Variants in BAIAP3 observed in about 807,000 individuals in gnomAD.
BAIAP3 encodes BAI1 associated protein 3.
A neutral mutation model predicts 149.7 loss-of-function variants in BAIAP3; 180 were observed. The ratio of observed to expected loss-of-function variants is 1.20; its 90% confidence interval spans 1.07 to 1.36. The LOEUF is 1.36. Ranked by LOEUF, BAIAP3 falls within the 40% of genes most tolerant of loss-of-function variation. The pLI is 0.00. For missense variants in BAIAP3, 1,767 were observed against 1,563.4 expected (o/e 1.13, Z -2.20); for synonymous variants, 845 against 670.7 (o/e 1.26, Z -4.02).
chr16:1,338,824 T>A, intron 2 of BAIAP3, 78 bp from the exon 3 acceptor site: 2 of 1,594,930 alleles, frequency 1.3e-6, no homozygotes, highest in Non-Finnish European at 1.7e-6. Context: ...CACATGGCCC[T>A]TCCTGCCCCT....
rs1300883583 is a variant in BAIAP3, at chr16:1,340,909, C to T, written c.409-13C>T. The T allele has an allele frequency of 6.4e-7, 1 of 1,563,098 alleles. No homozygotes were observed. The highest frequency in any genetic ancestry group is 1.4e-5 in the African/African-American group (1 of 73,844). On this transcript the variant is annotated splice_polypyrimidine_tract_variant and intron_variant, in intron 5 of 33. Coordinates refer to ENST00000426824, the MANE Select transcript of BAIAP3 (RefSeq NM_001199097.2). ...GGTTGCCTAGGCCCTGCCAACCCAG[C>T]CACCCTCCACAGGTGTTTGGCACCA...
At chr16:1,340,001 ACACG>A (rs2033778749) in intron 5 of BAIAP3, among the ~76,000 whole-genome samples, 1 of 142,476 alleles carries the variant, frequency 7.0e-6, no homozygotes, top group Non-Finnish European at 1.5e-5. Context: ...ATACAGATGC[ACACG>A]CACACAGGCT....
chr16:1,342,492 G>A (rs1381760307), intron 11 of BAIAP3, 35 bp from the exon 12 acceptor site: 2 of 1,524,042 alleles, frequency 1.3e-6, no homozygotes, highest in Non-Finnish European at 1.8e-6. Flanking sequence ...GGAGGGGGAG[G>A]AGTCTGGTGG....
chr16:1,348,291 C>G lies in BAIAP3; in HGVS notation c.3345C>G (p.Pro1115=). 1.2e-6 allele frequency: 2 copies of G among 1,600,498 alleles called. No homozygotes were observed. Among genetic ancestry groups the G allele is most frequent in the Non-Finnish European group, 1.7e-6 (2 of 1,174,130 alleles). ...CTGTCACCCTGCACCTGTGCCGGCC[C>G]AGAGCCCAGGGTGAGTGAGCATCTG... ...GQPVTLHLCR[P]RAQVRSALRR... Residue 1115 remains proline (P), a synonymous_variant, in exon 33 of 34, where the codon CCC becomes CCG. Coordinates refer to ENST00000426824, the MANE Select transcript of BAIAP3 (RefSeq NM_001199097.2).
rs1418872827 is a variant in BAIAP3, at chr16:1,344,451, T to C, written c.1603-18T>C. 4 of 1,612,626 alleles carry C rather than the reference T, an allele frequency of 2.5e-6. No homozygotes were observed. Among genetic ancestry groups the C allele is most frequent in the Admixed American group, 1.7e-5 (1 of 59,960 alleles). Reference sequence around the variant, plus strand: ...TTCCCTGCAATCCACCATGCTGTCTTGGTGGTGTCTGTTGCAGAGAGGCAA... The same window carrying C: ...TTCCCTGCAATCCACCATGCTGTCTCGGTGGTGTCTGTTGCAGAGAGGCAA... On this transcript the variant is annotated intron_variant, in intron 17 of 33. Coordinates refer to ENST00000426824, the MANE Select transcript of BAIAP3 (RefSeq NM_001199097.2).
In BAIAP3 at chr16:1,348,718, A is replaced by G. The variant is rs1231280697; in HGVS notation, c.*236A>G. 3.9e-5 allele frequency: 23 copies of G among 587,348 alleles called. No individual in the cohort carries two copies. In the East Asian group the frequency reaches 6.3e-4, roughly 16 times the overall value. The allele number at this position is 587,348 out of a possible 1,614,324, so 36.4% of individuals were successfully genotyped here. On this transcript the variant is annotated 3_prime_UTR_variant, in exon 34 of 34. Transcript: ENST00000426824. ...GTGGCCAACTTGGCAGGACTTGGCC[A>G]GCAGCTGCCCAGGACACAGTGCAGG...
intron 1 of BAIAP3, chr16:1,334,531 G>A (rs1043738109): frequency 1.3e-6 from 1 of 757,266 alleles, no homozygotes; most frequent in Non-Finnish European, 2.2e-6. Context: ...GGAAGAAGGC[G>A]CCTCGGGCTC....
rs1459651738 is a variant in BAIAP3 at position 1,339,227 on chromosome 16, G to A, written c.283G>A (p.Ala95Thr). 2 of 1,564,930 alleles carry A rather than the reference G, an allele frequency of 1.3e-6. No individual in the cohort carries two copies. Among genetic ancestry groups the A allele is most frequent in the Non-Finnish European group, 8.6e-7 (1 of 1,156,912 alleles). ...EPVDPSLGLRALAPEEVEMLY... is the reference protein window; with the variant it reads ...EPVDPSLGLRTLAPEEVEMLY... ...TGTGGATCCCAGCCTCGGCCTGAGA[G>A]CCCTGGCCCCAGAGGAGGTAAAGGT... Residue 95 changes from alanine (A) to threonine (T), a missense_variant, in exon 4 of 34, where the codon GCC (alanine) becomes ACC (threonine). Physicochemically the swap from Ala to Thr is moderately conservative, Grantham distance 58. Transcript: ENST00000426824.
Position 1,346,793 on chromosome 16 carries a change from TGGGGCCAGCGGGGCA to T in BAIAP3, c.2643-51_2643-37del. 11 of 374,312 alleles carry T rather than the reference TGGGGCCAGCGGGGCA, an allele frequency of 2.9e-5. 1 individual carries two copies. In the South Asian group the frequency reaches 4.7e-4, roughly 16 times the overall value. The allele number at this position is 374,312 out of a possible 1,614,324, so 23.2% of individuals were successfully genotyped here. A position where few individuals can be genotyped will look rare whatever the true frequency, so the allele number is the denominator to read the frequency against. ...CTACTCCTCCAGGCCATTCTGCAGG[TGGGGCCAGCGGGGCA>T]GGTGGGGCTGGCCCGTGGTCACTGA... is the stretch of plus-strand genomic sequence containing the variant. On this transcript the variant is annotated intron_variant, in intron 27 of 33. Coordinates refer to ENST00000426824, the MANE Select transcript of BAIAP3 (RefSeq NM_001199097.2).
At chr16:1,337,604 G>A (rs1055591186) in intron 1 of BAIAP3, among the ~76,000 whole-genome samples, 12 of 152,162 alleles carry the variant, frequency 7.9e-5, no homozygotes, top group Admixed American at 3.9e-4. Flanking sequence ...GGGGGCTTCC[G>A]GGTCTGCCTG....
chr16:1,344,898 G>A (rs573216955), intron 20 of BAIAP3, 49 bp downstream of exon 20: 1 of 1,613,696 alleles, frequency 6.2e-7, no homozygotes, highest in South Asian at 1.1e-5. Context: ...GGGGAAGTGG[G>A]CAGATGCCCT....
At position 1,343,417 on chromosome 16, in the gene BAIAP3, CCAT is replaced by C. The variant is rs2034075495; in HGVS notation, c.1293_1295del (p.His431del). On this transcript the variant is annotated inframe_deletion, in exon 15 of 34. Coordinates refer to ENST00000426824, the MANE Select transcript of BAIAP3 (RefSeq NM_001199097.2). ...GGCACTGGCAGGTCAGCAGCCGCCA[CCAT>C]CAAACCTGCACGCTGGACTACAGCT... The C allele has an allele frequency of 6.4e-7, 1 of 1,572,658 alleles. No individual in the cohort carries two copies. Among genetic ancestry groups the C allele is most frequent in the African/African-American group, 1.4e-5 (1 of 73,934 alleles).
In BAIAP3 at chr16:1,345,732, C is replaced by A. The variant is rs1346274963; in HGVS notation, c.2065-15C>A. On this transcript the variant is annotated splice_polypyrimidine_tract_variant and intron_variant, in intron 22 of 33. Coordinates refer to ENST00000426824, the MANE Select transcript of BAIAP3 (RefSeq NM_001199097.2). ...CCTGCCTCCCCAGCAAACCCAGCCT[C>A]CCCTGCCTCCCTAGCTGGAGCCCGT... 1 of 1,517,376 alleles carries A rather than the reference C, an allele frequency of 6.6e-7. No homozygotes were observed. The highest frequency in any genetic ancestry group is 2.0e-5 in the Admixed American group (1 of 49,906). The allele number at this position is 1,517,376 out of a possible 1,614,324, so 94.0% of individuals were successfully genotyped here. A position where few individuals can be genotyped will look rare whatever the true frequency, so the allele number is the denominator to read the frequency against.
intron 1 of BAIAP3, chr16:1,336,158 G>A (rs2033439853): frequency 1.0e-6 from 1 of 964,764 alleles, no homozygotes; most frequent in Non-Finnish European, 1.2e-6. Context: ...CACATGCCGC[G>A]GCGGTTGCCC....
chr16:1,342,495 T>C lies in BAIAP3; in HGVS notation c.958-32T>C, dbSNP rs935577998. 7 of 1,530,044 alleles carry C rather than the reference T, an allele frequency of 4.6e-6. No individual in the cohort carries two copies. The African/African-American group carries it at 5.6e-5, about 12-fold the overall frequency. 94.8% of individuals were successfully genotyped at this position (1,530,044 alleles called of 1,614,324 possible). A position where few individuals can be genotyped will look rare whatever the true frequency, so the allele number is the denominator to read the frequency against. Reference sequence around the variant, plus strand: ...CAGTGTGGAAGGGGAGGGGGAGGAGTCTGGTGGGCCTGACCCCCATGCTAC... The same window carrying C: ...CAGTGTGGAAGGGGAGGGGGAGGAGCCTGGTGGGCCTGACCCCCATGCTAC... On this transcript the variant is annotated intron_variant, in intron 11 of 33. Coordinates refer to ENST00000426824, the MANE Select transcript of BAIAP3 (RefSeq NM_001199097.2).
chr16:1,349,314 G>C lies in BAIAP3; in HGVS notation c.*832G>C, dbSNP rs1341271103. 1.1e-5 allele frequency: 12 copies of C among 1,090,750 alleles called. No homozygotes were observed. Among genetic ancestry groups the C allele is most frequent in the Non-Finnish European group, 1.7e-5 (12 of 711,530 alleles). The allele number at this position is 1,090,750 out of a possible 1,614,324, so 67.6% of individuals were successfully genotyped here. A position where few individuals can be genotyped will look rare whatever the true frequency, so the allele number is the denominator to read the frequency against. On this transcript the variant is annotated 3_prime_UTR_variant, in exon 34 of 34. Coordinates refer to ENST00000426824, the MANE Select transcript of BAIAP3 (RefSeq NM_001199097.2). ...CACAGCTGTGCTGGAAGTGTGGGGAGAACCCGGACAGCTCAGTCCTGCCAG... is the reference window on the plus strand; with the variant it reads ...CACAGCTGTGCTGGAAGTGTGGGGACAACCCGGACAGCTCAGTCCTGCCAG...
chr16:1,339,756 C>A lies in BAIAP3; in HGVS notation c.408+153C>A, dbSNP rs530350127. Among the ~76,000 whole-genome samples the A allele has an allele frequency of 3.5e-3, 522 of 147,588 alleles. 6 individuals carry two copies. The highest frequency in any genetic ancestry group is 0.013 in the African/African-American group (492 of 38,942). ...ACGGCTGCAGGTGCACACACACACA[C>A]GCACACAGGCTGCAGGTGCACACAG... On this transcript the variant is annotated intron_variant, in intron 5 of 33. Transcript: ENST00000426824.
chr16:1,347,104 G>T, intron 28 of BAIAP3, 149 bp downstream of exon 28: 1 of 886,664 alleles, frequency 1.1e-6, no homozygotes, highest in South Asian at 1.6e-5. Flanking sequence ...CGTTAATGCC[G>T]AGGTGTGGCC....
intron 14 of BAIAP3, 76 bp from the exon 15 acceptor site, chr16:1,343,317 T>C (rs1306255226): frequency 2.0e-6 from 3 of 1,528,164 alleles, no homozygotes; most frequent in African/African-American, 2.7e-5. Context: ...GAGAAAGGGG[T>C]AGTGCTGTAG....
Sources: allele counts gnomAD v4.1 joint callset (sites outside exome capture counted in the v4.1 genomes callset), GRCh38; gene constraint gnomAD v4.1.1; transcripts MANE v1.5; gene names NCBI Gene and HGNC (gene_info 2026-07-23, HGNC 2026-07-21).